Variants in FRMD4A observed in about 807,000 individuals in gnomAD.
The protein encoded by FRMD4A is FERM domain-containing protein 4A.
Under a neutral mutation model 129.1 loss-of-function variants are expected in FRMD4A, and 29 were observed. That is an observed-to-expected ratio of 0.22 (90% CI 0.17 to 0.31). The LOEUF is 0.31. FRMD4A is among the 10% of genes least tolerant of loss of function. The pLI, the probability that FRMD4A is intolerant of heterozygous loss-of-function variation, is 1.00. For synonymous variants in FRMD4A, 634 were observed against 571.6 expected (o/e 1.11, Z -1.56); for missense variants, 1,272 against 1,375.8 (o/e 0.92, Z 1.19).
At chr10:14,162,630 G>GTTTTTTTTTTTTTTTTT (rs556368229) in intron 2 of FRMD4A, among the ~76,000 whole-genome samples, 1 of 117,312 alleles carries the variant, frequency 8.5e-6, no homozygotes, top group Admixed American at 8.8e-5. Context: ...GAGTTTCTCT[G>GTTTTTTTTTTTTTTTTT]TTTTTTTTTT....
chr10:14,283,253 T>C (rs1845579498), intron 2 of FRMD4A, among the ~76,000 whole-genome samples: 1 of 152,228 alleles, frequency 6.6e-6, no homozygotes, highest in Non-Finnish European at 1.5e-5. Context: ...AAGCTAACTT[T>C]AGTAAGATTT....
intron 15 of FRMD4A, among the ~76,000 whole-genome samples, chr10:13,678,058 C>T (rs958787887): frequency 6.6e-6 from 1 of 152,204 alleles, no homozygotes; most frequent in African/African-American, 2.4e-5. Context: ...AGGTAAAGCA[C>T]ACAGTTTTTG....
chr10:14,249,361 A>AT (rs1427901285), intron 2 of FRMD4A, among the ~76,000 whole-genome samples: 1 of 151,898 alleles, frequency 6.6e-6, no homozygotes, highest in Non-Finnish European at 1.5e-5. Flanking sequence ...TAAAAAAAAA[A>AT]AAAGAAAGAA....
At chr10:13,694,424 G>T (rs542413101) in intron 14 of FRMD4A, among the ~76,000 whole-genome samples, 15 of 152,314 alleles carry the variant, frequency 9.8e-5, no homozygotes, top group South Asian at 6.2e-4. Context: ...GAGAAAAAGT[G>T]TGGGAAGGGT....
At chr10:13,693,438 G>A (rs907154413) in intron 15 of FRMD4A, 164 of 934,702 alleles carry the variant, frequency 1.8e-4, no homozygotes, top group Non-Finnish European at 2.2e-4. Flanking sequence ...CCTGCGACAC[G>A]ATGGAGAGAG....
chr10:14,196,608 T>C (rs929793881), intron 2 of FRMD4A, among the ~76,000 whole-genome samples: 1 of 152,224 alleles, frequency 6.6e-6, no homozygotes, highest in African/African-American at 2.4e-5. Flanking sequence ...TTCCTAGATA[T>C]GGATAAACAC....
chr10:13,649,767 C>A (rs1356565595), intron 24 of FRMD4A: 1 of 152,168 alleles, frequency 6.6e-6, no homozygotes, highest in African/African-American at 2.4e-5. Flanking sequence ...TTCAATTTTC[C>A]GGTAGTAGTC....
intron 15 of FRMD4A, 61 bp from the exon 16 acceptor site, chr10:13,675,105 A>G: frequency 6.7e-7 from 1 of 1,499,562 alleles, no homozygotes; most frequent in Non-Finnish European, 9.2e-7. Flanking sequence ...TGGACCACTA[A>G]TGAATTTAAC....
In FRMD4A at chr10:13,858,301, G is replaced by A. The variant is rs182699057; in HGVS notation, c.111+546C>T. The stretch of plus-strand genomic sequence containing the variant: ...ATATAAAAAATTAGCCAGGAATGGT[G>A]GCACATGCCTGTAATCCCAGCTACT... On this transcript the variant is annotated intron_variant, in intron 3 of 24. Coordinates refer to ENST00000357447, the MANE Select transcript of FRMD4A (RefSeq NM_018027.5). Among the ~76,000 whole-genome samples, 3 of 152,302 alleles carry A rather than the reference G, an allele frequency of 2.0e-5. No homozygotes were observed. In the East Asian group the frequency reaches 5.8e-4, roughly 29 times the overall value.
At chr10:14,220,643 T>G (rs1401270468) in intron 2 of FRMD4A, among the ~76,000 whole-genome samples, 1 of 152,182 alleles carries the variant, frequency 6.6e-6, no homozygotes, top group Non-Finnish European at 1.5e-5. Context: ...AAATGACTCT[T>G]AAATTCGCTG....
intron 2 of FRMD4A, among the ~76,000 whole-genome samples, chr10:14,185,449 G>C (rs944689631): frequency 6.6e-6 from 1 of 152,134 alleles, no homozygotes; most frequent in African/African-American, 2.4e-5. Context: ...AGGATGTCGT[G>C]GCAGAAATTA....
chr10:13,897,052 A>G (rs1483179668), intron 2 of FRMD4A, among the ~76,000 whole-genome samples: 3 of 152,374 alleles, frequency 2.0e-5, no homozygotes, highest in East Asian at 3.9e-4. Flanking sequence ...GTTAAGTGGC[A>G]TTCCAAAAAT....
At chr10:14,024,799 C>A (rs958994836) in intron 2 of FRMD4A, among the ~76,000 whole-genome samples, 2 of 152,208 alleles carry the variant, frequency 1.3e-5, no homozygotes, top group Non-Finnish European at 1.5e-5. Flanking sequence ...GGGGTGAAAG[C>A]AAGAGTGGGG....
chr10:14,300,082 T>G (rs1366183339), intron 2 of FRMD4A, among the ~76,000 whole-genome samples: 1 of 151,752 alleles, frequency 6.6e-6, no homozygotes, highest in African/African-American at 2.4e-5. Flanking sequence ...CTTTTATACC[T>G]TCGTGTAGGA....
chr10:14,302,248 G>T (rs929712489), intron 2 of FRMD4A, among the ~76,000 whole-genome samples: 3 of 152,132 alleles, frequency 2.0e-5, no homozygotes, highest in Non-Finnish European at 2.9e-5. Flanking sequence ...ACTAGAGGCT[G>T]ATCTAGTTGG....
chr10:13,874,354 C>G (rs572384336), intron 2 of FRMD4A, among the ~76,000 whole-genome samples: 3 of 151,700 alleles, frequency 2.0e-5, no homozygotes, highest in South Asian at 2.1e-4. Context: ...GAACTGCACT[C>G]TCTCCCCAAA....
At chr10:13,701,127 G>A (rs2086792848) in intron 14 of FRMD4A, among the ~76,000 whole-genome samples, 2 of 152,064 alleles carry the variant, frequency 1.3e-5, no homozygotes, top group African/African-American at 4.8e-5. Context: ...TCTGATGGTG[G>A]TCAGAGCCCC....
intron 14 of FRMD4A, among the ~76,000 whole-genome samples, chr10:13,694,670 A>G (rs533516916): frequency 4.6e-5 from 7 of 152,272 alleles, no homozygotes; most frequent in Non-Finnish European, 7.4e-5. Flanking sequence ...GCATCATAGC[A>G]AGATCCCATC....
chr10:14,326,416 A>G (rs1843277514), intron 2 of FRMD4A: 1 of 153,226 alleles, frequency 6.5e-6, no homozygotes, highest in South Asian at 2.1e-4. Flanking sequence ...TTGCTTCATC[A>G]GTTTCACTTA....
Sources: gnomAD v4.1 joint callset for allele counts (sites outside exome capture counted in the v4.1 genomes callset) on GRCh38, gnomAD v4.1.1 for gene constraint, MANE v1.5 for transcripts, NCBI Gene and HGNC (gene_info 2026-07-23, HGNC 2026-07-21) for gene names.